The following SMG6 variants were observed in gnomAD, a reference collection of about 807,000 sequenced individuals.
SMG6 encodes SMG6 nonsense mediated mRNA decay factor, also known as telomerase-binding protein EST1A.
SMG6 carries 66 observed loss-of-function variants against 142.2 expected under a neutral mutation model. That is an observed-to-expected ratio of 0.46 (90% confidence interval 0.38 to 0.57). SMG6 has a LOEUF of 0.57. Ranked by LOEUF, SMG6 falls within the 20% of genes least tolerant of loss-of-function variation. The pLI is 0.00. For missense variants in SMG6, 1,793 were observed against 1,832.0 expected (o/e 0.98, Z 0.39); for synonymous variants, 779 against 702.4 (o/e 1.11, Z -1.72).
At chr17:2,183,937 A>C (rs959712138) in intron 12 of SMG6, among the ~76,000 whole-genome samples, 1 of 152,214 alleles carries the variant, frequency 6.6e-6, no homozygotes, top group African/African-American at 2.4e-5. Flanking sequence ...CCTCTAACAG[A>C]GAGATCCAGA....
Position 2,297,257 on chromosome 17 carries a change from G to T in SMG6, c.2137C>A (p.Pro713Thr). Residue 713 changes from proline (P) to threonine (T), a missense_variant, in exon 4 of 19, where the codon CCA (proline) becomes ACA (threonine). Transcript: ENST00000263073. The stretch of plus-strand genomic sequence containing the variant: ...AGGTAGCTTACTGTCTTGCGTAATG[G>T]CTTGCTGCGAATGGCAAGACCATCC... ...YMDGLAIRSK[P>T]LRKTVKYALI... 1 of 1,605,330 alleles carries T rather than the reference G, an allele frequency of 6.2e-7. No individual in the cohort carries two copies. Among genetic ancestry groups the T allele is most frequent in the Non-Finnish European group, 8.5e-7 (1 of 1,177,034 alleles).
intron 10 of SMG6, among the ~76,000 whole-genome samples, chr17:2,234,726 G>A (rs1422300975): frequency 1.3e-5 from 2 of 149,980 alleles, no homozygotes; most frequent in African/African-American, 5.0e-5. Flanking sequence ...ATTATTATTT[G>A]AGATGGAGTC....
intron 13 of SMG6, among the ~76,000 whole-genome samples, chr17:2,131,227 T>C (rs2070110578): frequency 6.6e-6 from 1 of 152,038 alleles, no homozygotes; most frequent in Non-Finnish European, 1.5e-5. Context: ...ACTAGTGTAA[T>C]AAATAAACCT....
intron 13 of SMG6, among the ~76,000 whole-genome samples, chr17:2,171,683 T>C (rs4790316): frequency 0.35 from 52,534 of 151,536 alleles, 9,608 homozygotes; most frequent in African/African-American, 0.46. Context: ...CAAGACTTTA[T>C]ATTCTACATA....
chr17:2,204,144 T>C (rs900368209), intron 10 of SMG6, among the ~76,000 whole-genome samples: 1 of 152,064 alleles, frequency 6.6e-6, no homozygotes, highest in African/African-American at 2.4e-5. Flanking sequence ...TTTTTAAAAG[T>C]CTGACAGTGT....
intron 13 of SMG6, among the ~76,000 whole-genome samples, chr17:2,155,193 C>G (rs1597483390): frequency 6.6e-6 from 1 of 151,864 alleles, no homozygotes; most frequent in South Asian, 2.1e-4. Flanking sequence ...GCTGGGATTA[C>G]TGGGATTACA....
At chr17:2,171,903 C>A (rs1185885898) in intron 13 of SMG6, among the ~76,000 whole-genome samples, 1 of 152,096 alleles carries the variant, frequency 6.6e-6, no homozygotes, top group Non-Finnish European at 1.5e-5. Context: ...CCTGCCTCCA[C>A]ACAGCACTTC....
intron 10 of SMG6, among the ~76,000 whole-genome samples, chr17:2,209,682 G>A (rs1031906043): frequency 6.6e-6 from 1 of 152,090 alleles, no homozygotes; most frequent in Non-Finnish European, 1.5e-5. Flanking sequence ...TGTATTTTTA[G>A]TAGAGAAGGA....
intron 13 of SMG6, among the ~76,000 whole-genome samples, chr17:2,090,275 T>G (rs1462396468): frequency 1.5e-5 from 2 of 133,348 alleles, no homozygotes; most frequent in African/African-American, 5.8e-5. Context: ...ACAAGCACAG[T>G]GTGGGTAGAG....
At chr17:2,217,723 A>G (rs2073056445) in intron 10 of SMG6, among the ~76,000 whole-genome samples, 1 of 152,134 alleles carries the variant, frequency 6.6e-6, no homozygotes, top group African/African-American at 2.4e-5. Flanking sequence ...AAACAATGAA[A>G]AGGACCGCCG....
chr17:2,168,596 CCT>C (rs2071410851), intron 13 of SMG6, among the ~76,000 whole-genome samples: 1 of 152,148 alleles, frequency 6.6e-6, no homozygotes, highest in Non-Finnish European at 1.5e-5. Context: ...GCCTCAGTAT[CCT>C]CTTTTACAAA....
intron 9 of SMG6, among the ~76,000 whole-genome samples, chr17:2,243,844 A>G (rs2073868819): frequency 2.6e-5 from 4 of 152,182 alleles, no homozygotes; most frequent in Admixed American, 2.6e-4. Context: ...ATCCAGTAGA[A>G]AACTGGTCTA....
chr17:2,258,052 C>G (rs1372265611), intron 8 of SMG6, among the ~76,000 whole-genome samples: 1 of 122,368 alleles, frequency 8.2e-6, no homozygotes, highest in Non-Finnish European at 1.7e-5. Flanking sequence ...CACACACACA[C>G]ACACACACAC....
At position 2,261,151 on chromosome 17, in the gene SMG6, A is replaced by C. The variant is rs1466258792; in HGVS notation, c.2662-16432T>G. The stretch of plus-strand genomic sequence containing the variant: ...GAAACCCTTTCTCTACTAAAAATAC[A>C]AAAAAAAAAAAAATTAGCCAGGTGT... On this transcript the variant is annotated intron_variant, in intron 8 of 18. Coordinates refer to ENST00000263073, the MANE Select transcript of SMG6 (RefSeq NM_017575.5). Among the ~76,000 whole-genome samples the C allele has an allele frequency of 1.4e-4, 19 of 140,258 alleles. No homozygotes were observed. The South Asian group carries it at 3.4e-3, about 25-fold the overall frequency. The allele number at this position is 140,258 out of a possible 152,430, so 92.0% of individuals were successfully genotyped here.
chr17:2,075,769 T>A (rs1441565208), intron 15 of SMG6, among the ~76,000 whole-genome samples: 1 of 152,224 alleles, frequency 6.6e-6, no homozygotes, highest in East Asian at 1.9e-4. Flanking sequence ...GGAGGAGCTG[T>A]CTCAGGCAAC....
intron 17 of SMG6, 63 bp from the exon 18 acceptor site, chr17:2,065,217 G>C: frequency 3.0e-5 from 40 of 1,354,028 alleles, no homozygotes; most frequent in Non-Finnish European, 3.8e-5. Context: ...GGAGGAGGAG[G>C]AGGGATCCTC....
At chr17:2,247,741 C>G (rs886666822) in intron 8 of SMG6, among the ~76,000 whole-genome samples, 1 of 151,962 alleles carries the variant, frequency 6.6e-6, no homozygotes, top group Non-Finnish European at 1.5e-5. Context: ...CATGATTGCT[C>G]CATTGCACCC....
At chr17:2,296,836 CAT>C (rs922956133) in intron 4 of SMG6, among the ~76,000 whole-genome samples, 4 of 151,724 alleles carry the variant, frequency 2.6e-5, no homozygotes, top group Non-Finnish European at 5.9e-5. Context: ...CTCTACAAAA[CAT>C]AGAAAAATTA....
chr17:2,249,194 T>C (rs1285146261), intron 8 of SMG6, among the ~76,000 whole-genome samples: 1 of 151,784 alleles, frequency 6.6e-6, no homozygotes, highest in Non-Finnish European at 1.5e-5. Context: ...CGAGAACTCT[T>C]AACTGACCCC....
Sources: gnomAD v4.1 joint callset for allele counts (sites outside exome capture counted in the v4.1 genomes callset) on GRCh38, gnomAD v4.1.1 for gene constraint, MANE v1.5 for transcripts, NCBI Gene and HGNC (gene_info 2026-07-23, HGNC 2026-07-21) for gene names.